COP1: variants seen among roughly 807,000 people sequenced by gnomAD.
COP1 encodes COP1 E3 ubiquitin ligase, also known as E3 ubiquitin-protein ligase COP1.
COP1 carries 24 observed loss-of-function variants against 101.3 expected under a neutral mutation model. That is an observed-to-expected ratio of 0.24 (90% CI 0.17 to 0.33). COP1 has a LOEUF of 0.33. COP1 is among the 10% of genes least tolerant of loss of function. COP1 has a pLI of 1.00. For missense variants in COP1, 663 were observed against 906.2 expected (o/e 0.73, Z 3.45); for synonymous variants, 347 against 341.9 (o/e 1.01, Z -0.17).
At chr1:175,951,875 T>G (rs1273672750) in intron 18 of COP1, among the ~76,000 whole-genome samples, 13 of 60,382 alleles carry the variant, frequency 2.2e-4, no homozygotes, top group Non-Finnish European at 5.4e-5. Flanking sequence ...AAAAAATATA[T>G]GAAAACGTTA....
Position 176,144,340 on chromosome 1 carries a change from G to A in COP1, c.831+4666C>T, listed in dbSNP as rs181859767. Reference sequence around the variant, plus strand: ...ATAAGAAACTAAAGTTAGAGACACAGACATCATTTACAATAGTATCAAAAA... The same window carrying A: ...ATAAGAAACTAAAGTTAGAGACACAAACATCATTTACAATAGTATCAAAAA... On this transcript the variant is annotated intron_variant, in intron 6 of 19. Transcript: ENST00000367669. Among the ~76,000 whole-genome samples, 3 of 152,186 alleles carry A rather than the reference G, an allele frequency of 2.0e-5. No individual in the cohort carries two copies. In the East Asian group the frequency reaches 5.8e-4, roughly 29 times the overall value.
At chr1:176,045,581 G>GAA (rs533930344) in intron 12 of COP1, among the ~76,000 whole-genome samples, 1,891 of 101,094 alleles carry the variant, frequency 0.019, 81 homozygotes, top group Admixed American at 0.067. Flanking sequence ...TGTTTAGAAG[G>GAA]AAAAAAAAAA....
chr1:176,106,061 C>T (rs1275393997), intron 9 of COP1, among the ~76,000 whole-genome samples: 1 of 152,116 alleles, frequency 6.6e-6, no homozygotes, highest in African/African-American at 2.4e-5. Flanking sequence ...GACAGAGTCT[C>T]GCTCTGCTGC....
chr1:176,099,252 T>C (rs1016075112), intron 9 of COP1, among the ~76,000 whole-genome samples: 2 of 152,262 alleles, frequency 1.3e-5, no homozygotes, highest in South Asian at 2.1e-4. Flanking sequence ...ACTTTGGAGA[T>C]TGTAACATTA....
intron 15 of COP1, among the ~76,000 whole-genome samples, chr1:176,010,868 T>A (rs1664538573): frequency 6.6e-6 from 1 of 152,216 alleles, no homozygotes. Context: ...AGAAAATCAA[T>A]GCTAAATGAC....
At chr1:176,124,760 GTTTCC>G (rs1304065182) in intron 8 of COP1, among the ~76,000 whole-genome samples, 2 of 152,056 alleles carry the variant, frequency 1.3e-5, no homozygotes, top group Admixed American at 1.3e-4. Flanking sequence ...TCATGTATAC[GTTTCC>G]TTTCTTTTGG....
intron 16 of COP1, chr1:175,989,129 TA>T (rs1459628817): frequency 1.2e-5 from 4 of 341,660 alleles, no homozygotes; most frequent in East Asian, 8.6e-5. Flanking sequence ...GGAGGGTATA[TA>T]AAAAACTAGT....
At chr1:175,955,151 G>A (rs1211209316) in intron 18 of COP1, among the ~76,000 whole-genome samples, 2 of 152,076 alleles carry the variant, frequency 1.3e-5, no homozygotes, top group Admixed American at 6.6e-5. Flanking sequence ...GAAGGTTGAG[G>A]TGGGAGAATC....
At chr1:176,006,502 A>T (rs1663260797) in intron 15 of COP1, among the ~76,000 whole-genome samples, 2 of 152,074 alleles carry the variant, frequency 1.3e-5, no homozygotes, top group Admixed American at 6.5e-5. Context: ...GTTCCTTTTC[A>T]TGTTTAGTGC....
chr1:176,036,811 C>T (rs1669628908), intron 14 of COP1, among the ~76,000 whole-genome samples: 1 of 152,154 alleles, frequency 6.6e-6, no homozygotes. Flanking sequence ...GTAGGTTAGG[C>T]TAAGCTACGA....
At chr1:176,028,490 A>G (rs918617513) in intron 14 of COP1, among the ~76,000 whole-genome samples, 5 of 150,588 alleles carry the variant, frequency 3.3e-5, no homozygotes, top group African/African-American at 7.3e-5. Flanking sequence ...ACTTGAGTCC[A>G]GGAGGCAGAG....
chr1:175,975,796 A>G (rs1238371576), intron 18 of COP1, among the ~76,000 whole-genome samples: 1 of 152,230 alleles, frequency 6.6e-6, no homozygotes, highest in Non-Finnish European at 1.5e-5. Context: ...AATTTAATGC[A>G]TAAAGGACAA....
intron 18 of COP1, among the ~76,000 whole-genome samples, chr1:175,952,285 G>A (rs1650039768): frequency 6.6e-6 from 1 of 152,048 alleles, no homozygotes; most frequent in Non-Finnish European, 1.5e-5. Context: ...AGCTGGGCGT[G>A]GTGGCAGGAG....
At chr1:175,984,743 C>G (rs1329432277) in intron 18 of COP1, among the ~76,000 whole-genome samples, 1 of 152,224 alleles carries the variant, frequency 6.6e-6, no homozygotes, top group Admixed American at 6.5e-5. Context: ...ACTACGGGAA[C>G]CCACCTCTTG....
At chr1:176,095,921 T>C (rs1682273043) in intron 9 of COP1, among the ~76,000 whole-genome samples, 1 of 152,198 alleles carries the variant, frequency 6.6e-6, no homozygotes, top group African/African-American at 2.4e-5. Context: ...GTCACACAAA[T>C]TAAATCCTGC....
intron 9 of COP1, among the ~76,000 whole-genome samples, chr1:176,099,294 G>T (rs558676888): frequency 6.6e-6 from 1 of 152,286 alleles, no homozygotes; most frequent in South Asian, 2.1e-4. Context: ...GACTCATGAA[G>T]AACTAAAATG....
At chr1:176,144,449 G>A (rs901233330) in intron 6 of COP1, among the ~76,000 whole-genome samples, 1 of 152,018 alleles carries the variant, frequency 6.6e-6, no homozygotes. Flanking sequence ...TAAATATAGA[G>A]GGAAGTACCA....
chr1:176,128,958 TAA>T (rs1688474329), intron 8 of COP1, among the ~76,000 whole-genome samples: 1 of 151,900 alleles, frequency 6.6e-6, no homozygotes, highest in Non-Finnish European at 1.5e-5. Flanking sequence ...ATCTACTATA[TAA>T]AGAGTCATCC....
At chr1:176,174,134 G>A (rs1696580811) in intron 3 of COP1, among the ~76,000 whole-genome samples, 1 of 151,654 alleles carries the variant, frequency 6.6e-6, no homozygotes, top group Admixed American at 6.6e-5. Context: ...TTTCAAACTT[G>A]TGAACTAAGG....
Sources: gnomAD v4.1 joint callset for allele counts (sites outside exome capture counted in the v4.1 genomes callset) on GRCh38, gnomAD v4.1.1 for gene constraint, MANE v1.5 for transcripts, NCBI Gene and HGNC (gene_info 2026-07-23, HGNC 2026-07-21) for gene names.